The following TMPRSS15 variants were observed in gnomAD, a reference collection of about 807,000 sequenced individuals.
The protein encoded by TMPRSS15 is enteropeptidase.
TMPRSS15 carries 128 observed loss-of-function variants against 125.3 expected under a neutral mutation model. The observed-to-expected ratio is 1.02, with a 90% confidence interval of 0.89 to 1.18. The LOEUF (loss-of-function observed/expected upper bound fraction) is 1.18, where lower values mean the gene tolerates loss of function less well. TMPRSS15 is among the 50% of genes most tolerant of loss of function. The probability of loss-of-function intolerance (pLI) is 0.00; values close to 1 mark genes in which losing one functional copy is unlikely to be tolerated. For missense variants in TMPRSS15, 1,283 were observed against 1,212.7 expected (o/e 1.06, Z -0.86); for synonymous variants, 446 against 423.2 (o/e 1.05, Z -0.66).
intron 16 of TMPRSS15, among the ~76,000 whole-genome samples, chr21:18,324,926 A>T (rs1474822): frequency 0.2 from 29,666 of 152,100 alleles, 3,053 homozygotes; most frequent in East Asian, 0.37. Context: ...AATAATTGGC[A>T]AACAAACATG....
At chr21:18,297,883 C>G in intron 18 of TMPRSS15, 54 bp from the exon 19 acceptor site, 3 of 1,380,092 alleles carry the variant, frequency 2.2e-6, no homozygotes, top group Non-Finnish European at 3.1e-6. Context: ...AAGAAAAGAC[C>G]ATAAGTTAGA....
intron 18 of TMPRSS15, among the ~76,000 whole-genome samples, chr21:18,305,744 C>T (rs1466513692): frequency 6.6e-6 from 1 of 152,128 alleles, no homozygotes. Context: ...CCTTCCCCCA[C>T]CCTGCTAGAT....
intron 13 of TMPRSS15, among the ~76,000 whole-genome samples, chr21:18,335,219 T>G (rs1484502217): frequency 6.6e-6 from 1 of 152,204 alleles, no homozygotes; most frequent in Non-Finnish European, 1.5e-5. Flanking sequence ...CACTCAGATA[T>G]AAGACTGGGA....
chr21:18,312,932 T>C lies in TMPRSS15; in HGVS notation c.2165+13A>G. ...GCAAATCTCTTAAAAAGGAACTCAG[T>C]AGAATTACTTACCCTAGTCCCAGCA... On this transcript the variant is annotated intron_variant, in intron 18 of 24. Coordinates refer to ENST00000284885, the MANE Select transcript of TMPRSS15 (RefSeq NM_002772.3). 6.2e-7 allele frequency: 1 copy of C among 1,613,252 alleles called. No homozygotes were observed. The highest frequency in any genetic ancestry group is 8.5e-7 in the Non-Finnish European group (1 of 1,179,276).
intron 24 of TMPRSS15, among the ~76,000 whole-genome samples, chr21:18,270,896 T>C (rs1555889068): frequency 6.6e-6 from 1 of 152,180 alleles, no homozygotes; most frequent in Non-Finnish European, 1.5e-5. Flanking sequence ...GGCAAATCTT[T>C]TTGATTAATT....
intron 1 of TMPRSS15, among the ~76,000 whole-genome samples, chr21:18,465,437 AG>A (rs1978640595): frequency 6.6e-6 from 1 of 152,206 alleles, no homozygotes; most frequent in South Asian, 2.1e-4. Context: ...AAAGGAATAA[AG>A]GGTATTCAAA....
chr21:18,323,316 G>A (rs1601333932), intron 16 of TMPRSS15, among the ~76,000 whole-genome samples: 1 of 152,152 alleles, frequency 6.6e-6, no homozygotes, highest in South Asian at 2.1e-4. Flanking sequence ...GTTCCACAGG[G>A]CTGGGAGAGC....
intron 16 of TMPRSS15, among the ~76,000 whole-genome samples, chr21:18,322,830 TTA>T (rs2075252792): frequency 6.6e-6 from 1 of 152,172 alleles, no homozygotes; most frequent in Admixed American, 6.5e-5. Context: ...ATGACTATAG[TTA>T]ACAATAATTT....
chr21:18,370,239 A>T (rs1234439774), intron 6 of TMPRSS15, among the ~76,000 whole-genome samples: 1 of 152,178 alleles, frequency 6.6e-6, no homozygotes, highest in Non-Finnish European at 1.5e-5. Flanking sequence ...ACAAATTATC[A>T]CACTTACATG....
intron 21 of TMPRSS15, among the ~76,000 whole-genome samples, chr21:18,283,525 T>C (rs2074726571): frequency 6.6e-6 from 1 of 151,762 alleles, no homozygotes; most frequent in Non-Finnish European, 1.5e-5. Flanking sequence ...TGTAATAGTA[T>C]TTATAATTTA....
intron 1 of TMPRSS15, among the ~76,000 whole-genome samples, chr21:18,413,311 T>TTTTCTTTC (rs879312010): frequency 2.3e-4 from 10 of 44,368 alleles, no homozygotes; most frequent in African/African-American, 3.1e-4. Context: ...CTTTTCTTTC[T>TTTTCTTTC]TTTCCTTCCT....
intron 3 of TMPRSS15, among the ~76,000 whole-genome samples, chr21:18,385,008 A>G (rs17699350): frequency 0.012 from 1,879 of 152,284 alleles, 17 homozygotes; most frequent in Non-Finnish European, 0.021. Flanking sequence ...CTTCGTGTCC[A>G]TGGCACTATT....
chr21:18,316,349 C>A (rs1321762578), intron 16 of TMPRSS15, among the ~76,000 whole-genome samples: 3 of 152,294 alleles, frequency 2.0e-5, no homozygotes, highest in East Asian at 1.9e-4. Flanking sequence ...GTTACTCAAG[C>A]ACAGAGAGGT....
intron 1 of TMPRSS15, among the ~76,000 whole-genome samples, chr21:18,480,792 C>T (rs1978967557): frequency 6.6e-6 from 1 of 151,784 alleles, no homozygotes; most frequent in Non-Finnish European, 1.5e-5. Flanking sequence ...AATCTCAAAG[C>T]AAGTCAACAA....
intron 5 of TMPRSS15, among the ~76,000 whole-genome samples, chr21:18,377,677 T>G (rs1169530459): frequency 1.3e-5 from 2 of 152,144 alleles, no homozygotes; most frequent in Non-Finnish European, 2.9e-5. Flanking sequence ...GTATGTTACT[T>G]GTTGATCTTT....
intron 4 of TMPRSS15, among the ~76,000 whole-genome samples, chr21:18,380,167 T>TCACACA (rs34787707): frequency 0.045 from 6,239 of 139,378 alleles, 172 homozygotes; most frequent in African/African-American, 0.078. Flanking sequence ...TATGGAGATG[T>TCACACA]CACACACACA....
At chr21:18,413,257 T>C (rs571651729) in intron 1 of TMPRSS15, among the ~76,000 whole-genome samples, 47 of 146,192 alleles carry the variant, frequency 3.2e-4, no homozygotes, top group South Asian at 2.4e-3. Flanking sequence ...TTCCTTCCTT[T>C]CTTTCTTTCT....
chr21:18,415,620 C>T (rs905397506), intron 1 of TMPRSS15, among the ~76,000 whole-genome samples: 5 of 151,904 alleles, frequency 3.3e-5, no homozygotes, highest in African/African-American at 1.2e-4. Flanking sequence ...ACTTCCTTAC[C>T]CATTGTGTAT....
intron 1 of TMPRSS15, among the ~76,000 whole-genome samples, chr21:18,445,205 C>CT (rs2076252494): frequency 1.8e-4 from 14 of 77,374 alleles, no homozygotes; most frequent in African/African-American, 5.2e-4. Flanking sequence ...GTATATACCA[C>CT]ATTTTTTTTT....
Sources: allele counts gnomAD v4.1 joint callset (sites outside exome capture counted in the v4.1 genomes callset), GRCh38; gene constraint gnomAD v4.1.1; transcripts MANE v1.5; gene names NCBI Gene and HGNC (gene_info 2026-07-23, HGNC 2026-07-21).